The following NUP155 variants were observed in gnomAD, a reference collection of about 807,000 sequenced individuals.
NUP155 encodes the protein nuclear pore complex protein Nup155.
Under a neutral mutation model 180.4 loss-of-function variants are expected in NUP155, and 71 were observed. That is an observed-to-expected ratio of 0.39 (90% CI 0.33 to 0.48). The LOEUF (loss-of-function observed/expected upper bound fraction) is 0.48. NUP155 is among the 20% of genes least tolerant of loss of function. The probability of loss-of-function intolerance (pLI) is 0.91; values close to 1 mark genes in which losing one functional copy is unlikely to be tolerated. For missense variants in NUP155, 1,553 were observed against 1,648.9 expected (o/e 0.94, Z 1.01); for synonymous variants, 582 against 559.5 (o/e 1.04, Z -0.57).
At chr5:37,345,463 A>G (rs1746014553) in intron 9 of NUP155, among the ~76,000 whole-genome samples, 1 of 147,980 alleles carries the variant, frequency 6.8e-6, no homozygotes, top group African/African-American at 2.5e-5. Context: ...GTAAGCCACG[A>G]TCGCACCACT....
Position 37,327,785 on chromosome 5 carries a change from C to G in NUP155, c.1877-9G>C, listed in dbSNP as rs1253793398. On this transcript the variant is annotated splice_polypyrimidine_tract_variant and intron_variant, in intron 17 of 34. Transcript: ENST00000231498. ...GGCAGGAGGCTGTATACCTTGTACA[C>G]ACATAAGAAAAACAAATCTCTTAAT... 6.2e-7 allele frequency: 1 copy of G among 1,613,780 alleles called. No homozygotes were observed. The highest frequency in any genetic ancestry group is 2.2e-5 in the East Asian group (1 of 44,886).
At chr5:37,299,607 A>T in intron 30 of NUP155, 39 bp from the exon 31 acceptor site, 1 of 1,604,846 alleles carries the variant, frequency 6.2e-7, no homozygotes, top group South Asian at 1.1e-5. Context: ...CCAACTAGAG[A>T]TCAACATTCA....
chr5:37,341,333 ACT>A lies in NUP155; in HGVS notation c.1094-93_1094-92del, dbSNP rs1410022180. ...AAGCAATTACATACAGCAATGCAAC[ACT>A]CTGCTAAAACCATACATAACTTTCC... On this transcript the variant is annotated intron_variant, in intron 10 of 34. Transcript: ENST00000231498. 2.8e-5 allele frequency: 29 copies of A among 1,049,422 alleles called. No individual in the cohort carries two copies. In the East Asian group the frequency reaches 6.9e-4, roughly 25 times the overall value. 65.0% of individuals were successfully genotyped at this position (1,049,422 alleles called of 1,614,324 possible).
rs1256649308 is a variant in NUP155 at position 37,291,196 on chromosome 5, G to A, written c.*704C>T. The A allele has an allele frequency of 6.6e-6, 1 of 152,160 alleles. No individual in the cohort carries two copies. The highest frequency in any genetic ancestry group is 1.5e-5 in the Non-Finnish European group (1 of 68,028). 9.4% of individuals were successfully genotyped at this position (152,160 alleles called of 1,614,324 possible). A position where few individuals can be genotyped will look rare whatever the true frequency, so the allele number is the denominator to read the frequency against. On this transcript the variant is annotated 3_prime_UTR_variant, in exon 35 of 35. Transcript: ENST00000231498. The stretch of plus-strand genomic sequence containing the variant: ...GTCAGTTATTTGCCTATTTAAGGAC[G>A]GTTTTAGAATCCACTATTATGGGAA...
intron 4 of NUP155, among the ~76,000 whole-genome samples, chr5:37,354,561 C>T (rs1245238709): frequency 1.3e-5 from 2 of 150,644 alleles, no homozygotes; most frequent in East Asian, 2.0e-4. Context: ...TATGCTCAAG[C>T]GATCCTCCCG....
chr5:37,313,841 A>G (rs187424169), intron 22 of NUP155, among the ~76,000 whole-genome samples: 2 of 152,270 alleles, frequency 1.3e-5, no homozygotes, highest in East Asian at 3.9e-4. Context: ...CTTTGAAATT[A>G]TAAGCAAAAG....
chr5:37,333,963 A>G (rs543412628), intron 12 of NUP155, among the ~76,000 whole-genome samples: 195 of 151,636 alleles, frequency 1.3e-3, no homozygotes, highest in African/African-American at 4.3e-3. Context: ...CACCACGCCC[A>G]GCTAATTTTT....
chr5:37,323,435 A>G (rs1052479848), intron 20 of NUP155, among the ~76,000 whole-genome samples: 1 of 152,168 alleles, frequency 6.6e-6, no homozygotes, highest in African/African-American at 2.4e-5. Context: ...CCTTGAAAAC[A>G]TGCTTGGGGA....
intron 12 of NUP155, among the ~76,000 whole-genome samples, chr5:37,335,607 T>C (rs1745280439): frequency 6.6e-6 from 1 of 152,142 alleles, no homozygotes; most frequent in African/African-American, 2.4e-5. Context: ...CTTTTGCACA[T>C]ATCTCCTAAA....
At chr5:37,358,798 C>T (rs1480412911) in intron 3 of NUP155, among the ~76,000 whole-genome samples, 1 of 152,002 alleles carries the variant, frequency 6.6e-6, no homozygotes, top group Non-Finnish European at 1.5e-5. Flanking sequence ...GTGGGCGAAT[C>T]ACAAGGTCAG....
In NUP155 at chr5:37,324,063, T is replaced by G; in HGVS notation, c.2136A>C (p.Gln712His). ...GAAATTCCTGCAAACCCTTTAGTTCTTGTAGCACTGACTCTAGCAGTTGGC... is the reference window on the plus strand; with the variant it reads ...GAAATTCCTGCAAACCCTTTAGTTCGTGTAGCACTGACTCTAGCAGTTGGC... Reference protein sequence around the residue: ...VPCQLLESVLQELKGLQEFLD... With the variant: ...VPCQLLESVLHELKGLQEFLD... The change falls in exon 20 of 35, where the codon CAA (glutamine) becomes CAC (histidine). Residue 712 changes from glutamine to histidine, a missense_variant. Transcript: ENST00000231498. 1.2e-6 allele frequency: 2 copies of G among 1,613,942 alleles called. No individual in the cohort carries two copies. The highest frequency in any genetic ancestry group is 1.7e-6 in the Non-Finnish European group (2 of 1,179,878).
At chr5:37,345,586 CA>C (rs947515190) in intron 9 of NUP155, among the ~76,000 whole-genome samples, 2 of 149,384 alleles carry the variant, frequency 1.3e-5, no homozygotes, top group Non-Finnish European at 3.0e-5. Flanking sequence ...AACAAAGAGG[CA>C]AAATGTTAAA....
At chr5:37,300,824 T>G (rs1235929332) in intron 30 of NUP155, among the ~76,000 whole-genome samples, 1 of 122,770 alleles carries the variant, frequency 8.1e-6, no homozygotes, top group African/African-American at 3.0e-5. Flanking sequence ...CCTGGCTAAT[T>G]TTTTTTTTTT....
intron 30 of NUP155, 137 bp downstream of exon 30, chr5:37,301,300 T>G: frequency 1.6e-6 from 1 of 634,170 alleles, no homozygotes; most frequent in Non-Finnish European, 2.9e-6. Context: ...GTCAGCCCAG[T>G]GACAAGCTGC....
At chr5:37,353,989 C>A (rs1334222534) in intron 4 of NUP155, among the ~76,000 whole-genome samples, 2 of 152,076 alleles carry the variant, frequency 1.3e-5, no homozygotes, top group East Asian at 3.9e-4. Context: ...TAATAGATTT[C>A]ATTTTGAAAT....
intron 1 of NUP155, among the ~76,000 whole-genome samples, chr5:37,364,762 A>G (rs1302720473): frequency 1.3e-5 from 2 of 151,410 alleles, no homozygotes; most frequent in Non-Finnish European, 2.9e-5. Context: ...TCAGTCTCCC[A>G]AGTAGCTGAG....
intron 18 of NUP155, 56 bp from the exon 19 acceptor site, chr5:37,326,023 TA>T: frequency 8.2e-7 from 1 of 1,225,672 alleles, no homozygotes; most frequent in South Asian, 1.2e-5. Flanking sequence ...ACAATTACAA[TA>T]AATTTCTTTC....
intron 25 of NUP155, 100 bp downstream of exon 25, chr5:37,307,197 C>CAA (rs34995492): frequency 0.014 from 12,558 of 925,540 alleles, no homozygotes; most frequent in Non-Finnish European, 0.016. Flanking sequence ...GACTCTGTCT[C>CAA]AAAAAAAAAA....
chr5:37,299,156 T>A (rs1742735579), intron 31 of NUP155, among the ~76,000 whole-genome samples, 178 bp from the exon 32 acceptor site: 1 of 152,254 alleles, frequency 6.6e-6, no homozygotes, highest in Non-Finnish European at 1.5e-5. Flanking sequence ...CTTACCAGGT[T>A]ATACTGGTTA....
Sources: allele counts gnomAD v4.1 joint callset (sites outside exome capture counted in the v4.1 genomes callset), GRCh38; gene constraint gnomAD v4.1.1; transcripts MANE v1.5; gene names NCBI Gene and HGNC (gene_info 2026-07-23, HGNC 2026-07-21).